Variants in KLHL22 observed in about 807,000 individuals in gnomAD.
KLHL22 encodes the protein kelch like family member 22, also known as kelch-like protein 22.
KLHL22 carries 18 observed loss-of-function variants against 60.7 expected under a neutral mutation model. That is an observed-to-expected ratio of 0.30 (90% CI 0.20 to 0.44). KLHL22 has a LOEUF of 0.44. KLHL22 is among the 20% of genes least tolerant of loss of function. KLHL22 has a pLI of 1.00. For missense variants in KLHL22, 596 were observed against 852.3 expected (o/e 0.70, Z 3.74); for synonymous variants, 355 against 354.5 (o/e 1.00, Z -0.01).
chr22:20,445,002 T>TGGGC (rs2052833651), intron 6 of KLHL22, among the ~76,000 whole-genome samples: 1 of 151,816 alleles, frequency 6.6e-6, no homozygotes, highest in Admixed American at 6.6e-5. Context: ...CCCAGGCTGG[T>TGGGC]ATCAGTTCCT....
At chr22:20,449,069 GT>G (rs869288014) in intron 5 of KLHL22, among the ~76,000 whole-genome samples, 3 of 142,936 alleles carry the variant, frequency 2.1e-5, no homozygotes, top group African/African-American at 7.8e-5. Flanking sequence ...TGTTTTGTTT[GT>G]TTTTTTTTGA....
chr22:20,482,866 C>A, intron 2 of KLHL22: 1 of 1,226,100 alleles, frequency 8.2e-7, no homozygotes, highest in Non-Finnish European at 1.2e-6. Context: ...CTTTGCCATC[C>A]ATTATCTGGC....
At chr22:20,449,013 T>C (rs1290780251) in intron 5 of KLHL22, among the ~76,000 whole-genome samples, 5 of 152,188 alleles carry the variant, frequency 3.3e-5, no homozygotes, top group Admixed American at 1.3e-4. Context: ...TTCAGTGAAA[T>C]GTTTCTTCAA....
Position 20,442,172 on chromosome 22 carries a change from G to A in KLHL22, c.1806C>T (p.Pro602=), listed in dbSNP as rs2052769613. 2 of 1,563,452 alleles carry A rather than the reference G, an allele frequency of 1.3e-6. No individual in the cohort carries two copies. The highest frequency in any genetic ancestry group is 2.3e-5 in the East Asian group (1 of 43,704). ...CCTGGCTGCGGTCAGGGGTCCCGCG[G>A]GGCGGCTCAAGGAGCAGGGAGCGGG... ...TLPRSLLLEP[P]RGTPDRSQAD... The change falls in exon 7 of 7, where the codon CCC becomes CCT. Residue 602 remains proline (P), a synonymous_variant. Coordinates refer to ENST00000328879, the MANE Select transcript of KLHL22 (RefSeq NM_032775.4).
chr22:20,450,846 C>G, intron 5 of KLHL22: 1 of 1,599,448 alleles, frequency 6.3e-7, no homozygotes, highest in Non-Finnish European at 8.6e-7. Flanking sequence ...CTTTCATCCA[C>G]TATGGTTTAC....
At chr22:20,451,677 G>T in intron 5 of KLHL22, 1 of 1,605,078 alleles carries the variant, frequency 6.2e-7, no homozygotes, top group Non-Finnish European at 8.5e-7. Context: ...TGCTTCGGGG[G>T]AGACTCTATG....
rs745926806 is a variant in KLHL22 at position 20,465,452 on chromosome 22, G to A, written c.518C>T (p.Thr173Ile). ...GGCCACAAAGTTTTTGAGGATATAG[G>A]TGTCCAGTTGCTCAGTCAGGCGGCT... ...DLSRLTEQLDTYILKNFVAFS... is the reference protein window; with the variant it reads ...DLSRLTEQLDIYILKNFVAFS... Residue 173 changes from threonine to isoleucine, a missense_variant, in exon 4 of 7, where the codon ACC (threonine) becomes ATC (isoleucine). Coordinates refer to ENST00000328879, the MANE Select transcript of KLHL22 (RefSeq NM_032775.4). This position sits in a 1 kb window ranked among gnomAD's most constrained non-coding sequence, Gnocchi z 4.9. 9.3e-6 allele frequency: 15 copies of A among 1,613,790 alleles called. No individual in the cohort carries two copies. Among genetic ancestry groups the A allele is most frequent in the Non-Finnish European group, 1.2e-5 (14 of 1,179,668 alleles).
At chr22:20,458,273 C>CT (rs35379911) in intron 4 of KLHL22, among the ~76,000 whole-genome samples, 3,802 of 76,468 alleles carry the variant, frequency 0.05, 257 homozygotes, top group African/African-American at 0.11. Context: ...TCCAATGGCT[C>CT]TTTTTTTTTT....
rs774128764 is a variant in KLHL22 at position 20,465,261 on chromosome 22, G to C, written c.709C>G (p.Pro237Ala). The C allele has an allele frequency of 6.2e-7, 1 of 1,613,982 alleles. No individual in the cohort carries two copies. ...CGCACTGTCTCAAGGAGCTTTGGGG[G>C]CTCGTGCAGCGAGATCTGGTCAGCC... ...VQADQISLHE[P>A]PKLLETVRFP... is the part of the protein sequence containing the mutation. Residue 237 changes from proline (P) to alanine (A), a missense_variant, in exon 4 of 7, where the codon CCC becomes GCC. Pro to Ala is a conservative substitution (Grantham distance 27). Coordinates refer to ENST00000328879, the MANE Select transcript of KLHL22 (RefSeq NM_032775.4). This position sits in a 1 kb window ranked among gnomAD's most constrained non-coding sequence, Gnocchi z 4.9.
intron 5 of KLHL22, among the ~76,000 whole-genome samples, chr22:20,454,315 C>T (rs969297873): frequency 1.3e-5 from 2 of 151,538 alleles, no homozygotes; most frequent in South Asian, 4.2e-4. Context: ...GGTGACAGAG[C>T]GAGACTCTGT....
chr22:20,494,570 G>A (rs12160574), intron 1 of KLHL22, among the ~76,000 whole-genome samples: 2 of 151,964 alleles, frequency 1.3e-5, no homozygotes, highest in African/African-American at 4.8e-5. Context: ...TAGTAGAGAC[G>A]GGGTTTCACC....
At chr22:20,484,383 C>G (rs1213861659) in intron 2 of KLHL22, among the ~76,000 whole-genome samples, 7 of 152,148 alleles carry the variant, frequency 4.6e-5, no homozygotes, top group Admixed American at 4.6e-4. Flanking sequence ...CAACCTCCAC[C>G]TCCCAGGCTC....
chr22:20,466,470 G>C (rs180755587), intron 3 of KLHL22, among the ~76,000 whole-genome samples: 2 of 151,046 alleles, frequency 1.3e-5, no homozygotes, highest in South Asian at 2.1e-4. Flanking sequence ...GGTTTGGAAA[G>C]GACCTAAGAC....
chr22:20,465,492 C>T lies in KLHL22; in HGVS notation c.478G>A (p.Glu160Lys). ...ENILDVYRLA[E>K]LFDLSRLTEQ... ...GTCAGGCGGCTCAAGTCAAACAGCT[C>T]TGCCAGCCGGTAGACATCGAGAATG... The change falls in exon 4 of 7, where the codon GAG (glutamate) becomes AAG (lysine). Residue 160 changes from glutamate (E) to lysine (K), a missense_variant. By Grantham distance (56) the Glu-to-Lys change is moderately conservative. Transcript: ENST00000328879. The surrounding 1 kb of genome is among the most constrained non-coding windows in gnomAD (Gnocchi z 4.9). 6.2e-7 allele frequency: 1 copy of T among 1,612,504 alleles called. No individual in the cohort carries two copies. The highest frequency in any genetic ancestry group is 8.5e-7 in the Non-Finnish European group (1 of 1,178,544).
At position 20,442,216 on chromosome 22, in the gene KLHL22, C is replaced by T; in HGVS notation, c.1762G>A (p.Ala588Thr). The T allele has an allele frequency of 6.2e-7, 1 of 1,603,924 alleles. No homozygotes were observed. The highest frequency in any genetic ancestry group is 8.5e-7 in the Non-Finnish European group (1 of 1,174,210). Residue 588 changes from alanine (A) to threonine (T), a missense_variant, in exon 7 of 7, where the codon GCC (alanine) becomes ACC (threonine). Coordinates refer to ENST00000328879, the MANE Select transcript of KLHL22 (RefSeq NM_032775.4). The part of the protein sequence containing the change: ...QLDNSISGLA[A>T]CVLTLPRSLL... ...GAGCGGGGCAGGGTGAGCACACAGG[C>T]CGCCAGGCCTGAGATGGAGTTGTCC...
At chr22:20,464,559 C>T (rs1205031779) in intron 4 of KLHL22, among the ~76,000 whole-genome samples, 2 of 152,178 alleles carry the variant, frequency 1.3e-5, no homozygotes, top group African/African-American at 4.8e-5. Flanking sequence ...CCTCTCCCCT[C>T]CCGTCTCCTC....
intron 2 of KLHL22, among the ~76,000 whole-genome samples, chr22:20,475,905 A>C (rs182772073): frequency 1.3e-3 from 201 of 152,292 alleles, no homozygotes; most frequent in African/African-American, 4.7e-3. Flanking sequence ...ATAGGACAGG[A>C]ATAGTCTCCT....
chr22:20,465,018 C>T lies in KLHL22; in HGVS notation c.952G>A (p.Ala318Thr), dbSNP rs770217020. The T allele has an allele frequency of 6.2e-7, 1 of 1,611,218 alleles. No homozygotes were observed. Among genetic ancestry groups the T allele is most frequent in the Non-Finnish European group, 8.5e-7 (1 of 1,178,644 alleles). Reference protein sequence around the residue: ...STPSTVLSDQAKYLNPLLGEW... With the variant: ...STPSTVLSDQTKYLNPLLGEW... ...CCCAGTAAGGGGTTTAGATACTTGG[C>T]CTGGTCGCTGAGGACAGTGGACGGC... Residue 318 changes from alanine to threonine, a missense_variant, in exon 4 of 7, where the codon GCC (alanine) becomes ACC (threonine). By Grantham distance (58) the Ala-to-Thr change is moderately conservative. Coordinates refer to ENST00000328879, the MANE Select transcript of KLHL22 (RefSeq NM_032775.4). This position sits in a 1 kb window ranked among gnomAD's most constrained non-coding sequence, Gnocchi z 4.9.
At chr22:20,458,307 A>T in intron 4 of KLHL22, among the ~76,000 whole-genome samples, 1 of 113,696 alleles carries the variant, frequency 8.8e-6, no homozygotes, top group Non-Finnish European at 1.7e-5. Context: ...TTGTGGAGAG[A>T]GGTCTCTCTG....
Sources: allele counts gnomAD v4.1 joint callset (sites outside exome capture counted in the v4.1 genomes callset), GRCh38; gene constraint gnomAD v4.1.1; non-coding constraint Gnocchi (gnomAD v3.1); transcripts MANE v1.5; gene names NCBI Gene and HGNC (gene_info 2026-07-23, HGNC 2026-07-21).